The following INTS4 variants were observed in gnomAD, a reference collection of about 807,000 sequenced individuals.
INTS4 encodes MSTP093.
INTS4 carries 70 observed loss-of-function variants against 119.5 expected under a neutral mutation model. That is an observed-to-expected ratio of 0.59 (90% confidence interval 0.48 to 0.71). INTS4 has a LOEUF of 0.71. Ranked by LOEUF, INTS4 falls within the 30% of genes least tolerant of loss-of-function variation. INTS4 has a pLI of 0.00. For synonymous variants in INTS4, 316 were observed against 419.6 expected, an observed-to-expected ratio of 0.75 and a Z score of 3.02; for missense variants, 867 against 1,173.2, an observed-to-expected ratio of 0.74 and a Z score of 3.81.
rs1376700462 is a variant in INTS4 at position 77,888,953 on chromosome 11, A to G, written c.2592+2366T>C. 2.6e-5 allele frequency among the ~76,000 whole-genome samples: 4 copies of G among 152,356 alleles called. No individual in the cohort carries two copies. In the East Asian group the frequency reaches 5.8e-4, roughly 22 times the overall value. ...CGTGCTGGAGAGGATGTGGAGAAAT[A>G]GGAACACTTTTACACTGTTGGTGGG... On this transcript the variant is annotated intron_variant, in intron 21 of 22. Coordinates refer to ENST00000534064, the MANE Select transcript of INTS4 (RefSeq NM_033547.4).
downstream of INTS4, chr11:77,878,621 C>CTT (rs1951673592): frequency 3.4e-6 from 2 of 591,226 alleles, no homozygotes; most frequent in Admixed American, 6.4e-5. Flanking sequence ...GTAACTGGAT[C>CTT]TTTGTGTTTC....
chr11:77,918,287 A>C, intron 15 of INTS4: 4 of 571,024 alleles, frequency 7.0e-6, no homozygotes, highest in African/African-American at 1.9e-5. Context: ...AAAAGCCAAA[A>C]TTAGCCAGGT....
At chr11:77,900,388 C>A (rs956559827) in intron 18 of INTS4, among the ~76,000 whole-genome samples, 7 of 152,250 alleles carry the variant, frequency 4.6e-5, no homozygotes, top group Admixed American at 2.0e-4. Context: ...TGTGAGCCAC[C>A]ACACCCGGCC....
intron 1 of INTS4, among the ~76,000 whole-genome samples, chr11:77,992,764 G>T (rs148487873): frequency 8.4e-4 from 128 of 152,118 alleles, no homozygotes; most frequent in Admixed American, 1.6e-3. Flanking sequence ...TCTATAGGAG[G>T]GCATACCAAT....
In INTS4 at chr11:77,961,155, A is replaced by AAG. The variant is rs1954465218; in HGVS notation, c.472-18_472-17insCT. ...TGTCAGATGCTATTAAAAAAAAAAA[A>AAG]AAAAAGAAAAAAAGAAAAAGAAAAA... is the stretch of plus-strand genomic sequence containing the variant. On this transcript the variant is annotated splice_polypyrimidine_tract_variant and intron_variant, in intron 4 of 22. Transcript: ENST00000534064. 7.8e-6 allele frequency: 12 copies of AAG among 1,537,846 alleles called. No individual in the cohort carries two copies. Among genetic ancestry groups the AAG allele is most frequent in the Non-Finnish European group, 1.0e-5 (12 of 1,151,082 alleles).
chr11:77,931,202 G>A (rs1483796308), intron 10 of INTS4, among the ~76,000 whole-genome samples: 1 of 152,096 alleles, frequency 6.6e-6, no homozygotes, highest in Non-Finnish European at 1.5e-5. Context: ...TAAGCCAAAA[G>A]AAAGAAAAAG....
At chr11:77,963,380 A>C (rs965321645) in intron 4 of INTS4, 7 of 403,880 alleles carry the variant, frequency 1.7e-5, no homozygotes, top group Non-Finnish European at 3.3e-5. Context: ...AAAAACAAAA[A>C]AAACTGCTTT....
chr11:77,911,015 A>G, intron 15 of INTS4: 1 of 1,289,182 alleles, frequency 7.8e-7, no homozygotes, highest in Non-Finnish European at 1.0e-6. Flanking sequence ...CAGGGCCGGC[A>G]TAACACATCA....
chr11:77,907,949 T>A (rs1036247136), intron 15 of INTS4, 139 bp from the exon 16 acceptor site: 7 of 584,392 alleles, frequency 1.2e-5, no homozygotes, highest in African/African-American at 1.1e-4. Context: ...AATGCTGGAG[T>A]GGTTATAATA....
chr11:77,893,556 C>T (rs1371425598), intron 19 of INTS4, among the ~76,000 whole-genome samples: 1 of 152,172 alleles, frequency 6.6e-6, no homozygotes, highest in African/African-American at 2.4e-5. Flanking sequence ...GTGCAGTGAG[C>T]TGTGCCAGTC....
Position 77,907,790 on chromosome 11 carries a change from TC to T in INTS4, c.1942del (p.Glu648AsnfsTer9), listed in dbSNP as rs1565236777. On this transcript the variant is annotated frameshift_variant, in exon 16 of 23. Transcript: ENST00000534064. LOFTEE classifies it high-confidence loss of function. Reference sequence around the variant, plus strand: ...TACTCCTGCCAATTCAGATTGAAGTTCTCCAAGTCTTTGCAGATCCCTATAG... The same window carrying T: ...TACTCCTGCCAATTCAGATTGAAGTTTCCAAGTCTTTGCAGATCCCTATAG... ...FTIRDLQRLGELQSELAGVAD... is the reference protein window; with the variant it reads ...FTIRDLQRLGXLQSELAGVAD... The T allele has an allele frequency of 6.2e-7, 1 of 1,613,198 alleles. No individual in the cohort carries two copies. The highest frequency in any genetic ancestry group is 2.2e-5 in the East Asian group (1 of 44,838).
downstream of INTS4, chr11:77,876,865 A>G: frequency 1.6e-6 from 1 of 639,776 alleles, no homozygotes; most frequent in Non-Finnish European, 2.8e-6. Context: ...GAAAAATATC[A>G]GCATATTCTT....
intron 2 of INTS4, among the ~76,000 whole-genome samples, chr11:77,989,954 G>A (rs570031665): frequency 8.5e-5 from 13 of 152,084 alleles, no homozygotes; most frequent in African/African-American, 3.1e-4. Context: ...GGTAGCTCAC[G>A]CTTGCAATCC....
chr11:77,981,786 G>A (rs1377844047), intron 2 of INTS4, among the ~76,000 whole-genome samples: 1 of 146,960 alleles, frequency 6.8e-6, no homozygotes, highest in Non-Finnish European at 1.5e-5. Flanking sequence ...TTTTTGAGAT[G>A]GAGTTTTAAT....
chr11:77,880,681 C>A (rs1415918503), intron 22 of INTS4, among the ~76,000 whole-genome samples: 2 of 152,164 alleles, frequency 1.3e-5, no homozygotes, highest in African/African-American at 4.8e-5. Context: ...CTGGTAAGAG[C>A]TGGATAAGGC....
chr11:77,900,324 C>G (rs1461822110), intron 18 of INTS4, among the ~76,000 whole-genome samples: 1 of 152,122 alleles, frequency 6.6e-6, no homozygotes, highest in Non-Finnish European at 1.5e-5. Flanking sequence ...TGCTCTTGAT[C>G]TCCTGACCTC....
chr11:77,937,615 G>A (rs1230180236), intron 10 of INTS4, among the ~76,000 whole-genome samples: 3 of 152,074 alleles, frequency 2.0e-5, no homozygotes, highest in Admixed American at 1.3e-4. Context: ...ATGGTGACAC[G>A]TGCTTCTGGT....
intron 4 of INTS4, among the ~76,000 whole-genome samples, chr11:77,968,277 T>C (rs1195275506): frequency 6.6e-6 from 1 of 152,210 alleles, no homozygotes; most frequent in Non-Finnish European, 1.5e-5. Flanking sequence ...TGGCATGATT[T>C]CTCCAATTTA....
Position 77,956,078 on chromosome 11 carries a change from AGAAAT to A in INTS4, c.798-21_798-17del, listed in dbSNP as rs1395351629. On this transcript the variant is annotated splice_polypyrimidine_tract_variant and intron_variant, in intron 7 of 22. Transcript: ENST00000534064. ...TGGGACAATGCTAAATTAAAAGAAA[AGAAAT>A]GAAATCACTTAGAACAAAACATGAA... The A allele has an allele frequency of 1.3e-6, 2 of 1,583,166 alleles. No individual in the cohort carries two copies. Among genetic ancestry groups the A allele is most frequent in the African/African-American group, 2.7e-5 (2 of 72,876 alleles).
Sources: allele counts gnomAD v4.1 joint callset (sites outside exome capture counted in the v4.1 genomes callset), GRCh38; gene constraint gnomAD v4.1.1; transcripts MANE v1.5; gene names NCBI Gene and HGNC (gene_info 2026-07-23, HGNC 2026-07-21).